The following CDK6 variants were observed in gnomAD, a reference collection of about 807,000 sequenced individuals.
CDK6 encodes cyclin dependent kinase 6.
In CDK6, 6 loss-of-function variants were observed where a neutral mutation model predicts 37.1. The observed-to-expected ratio is 0.16, with a 90% CI of 0.09 to 0.32. The LOEUF is 0.32. Among genes scored for constraint, CDK6 ranks in the 10% least tolerant of loss-of-function variants. CDK6 has a pLI of 1.00. For missense variants in CDK6, 224 were observed against 418.9 expected, an observed-to-expected ratio of 0.53 and a Z score of 4.06; for synonymous variants, 160 against 161.3, an observed-to-expected ratio of 0.99 and a Z score of 0.06.
intron 5 of CDK6, among the ~76,000 whole-genome samples, chr7:92,631,996 T>C (rs1796063743): frequency 6.6e-6 from 1 of 152,066 alleles, no homozygotes; most frequent in Admixed American, 6.6e-5. Flanking sequence ...ACTACATACA[T>C]TACGGTAACT....
At chr7:92,671,083 T>C (rs910038489) in intron 5 of CDK6, among the ~76,000 whole-genome samples, 8 of 152,214 alleles carry the variant, frequency 5.3e-5, no homozygotes, top group African/African-American at 1.7e-4. Flanking sequence ...TCTCCTCCTA[T>C]GGATAAAGTC....
At chr7:92,632,500 CTGGCCCTT>C (rs1423037530) in intron 5 of CDK6, among the ~76,000 whole-genome samples, 1 of 152,132 alleles carries the variant, frequency 6.6e-6, no homozygotes, top group Non-Finnish European at 1.5e-5. Context: ...AATAAGGGCT[CTGGCCCTT>C]GAATGTCAGT....
chr7:92,772,182 G>C (rs770513460), intron 3 of CDK6, among the ~76,000 whole-genome samples: 4 of 152,092 alleles, frequency 2.6e-5, no homozygotes, highest in African/African-American at 2.4e-5. Flanking sequence ...AGGAAGGAAA[G>C]TAGGTTAGTA....
rs1401383425 is a variant in CDK6, at chr7:92,833,993, T to A, written c.-367-303A>T. Reference sequence around the variant, plus strand: ...AGGGGGCGTGCCGAGCAGCCCAGAGTGTGCCGGGAGCGCGGGGGAGGGGAG... The same window carrying A: ...AGGGGGCGTGCCGAGCAGCCCAGAGAGTGCCGGGAGCGCGGGGGAGGGGAG... On this transcript the variant is annotated intron_variant, in intron 1 of 7. Transcript: ENST00000424848. This position sits in a 1 kb window ranked among gnomAD's most constrained non-coding sequence, Gnocchi z 6.1. The A allele has an allele frequency of 2.5e-6, 1 of 397,980 alleles. No homozygotes were observed. The highest frequency in any genetic ancestry group is 4.4e-6 in the Non-Finnish European group (1 of 225,978). The allele number at this position is 397,980 out of a possible 1,614,324, so 24.7% of individuals were successfully genotyped here. A position where few individuals can be genotyped will look rare whatever the true frequency, so the allele number is the denominator to read the frequency against.
chr7:92,736,983 C>T (rs1361357743), intron 3 of CDK6, among the ~76,000 whole-genome samples: 1 of 152,204 alleles, frequency 6.6e-6, no homozygotes, highest in Non-Finnish European at 1.5e-5. Context: ...CCAGGTTGCA[C>T]ACTGTGTGAT....
rs538198675 is a variant in CDK6 at position 92,710,778 on chromosome 7, G to A, written c.537+14848C>T. On this transcript the variant is annotated intron_variant, in intron 4 of 7. Transcript: ENST00000424848. ...GCCATGGAACACCAGATGGAGAGGT[G>A]GGGAAAAGCAGAGATGAGGGCTGAT... The A allele has an allele frequency of 7.1e-5, 70 of 985,306 alleles. No individual in the cohort carries two copies. The South Asian group carries it at 2.7e-3, about 38-fold the overall frequency. 61.0% of individuals were successfully genotyped at this position (985,306 alleles called of 1,614,324 possible).
At chr7:92,746,225 T>TATTC (rs751675116) in intron 3 of CDK6, among the ~76,000 whole-genome samples, 20 of 152,226 alleles carry the variant, frequency 1.3e-4, no homozygotes, top group Non-Finnish European at 2.8e-4. Context: ...CAAATTTTCT[T>TATTC]ATTCATGCCT....
At chr7:92,813,152 G>A (rs1800931920) in intron 2 of CDK6, among the ~76,000 whole-genome samples, 1 of 152,136 alleles carries the variant, frequency 6.6e-6, no homozygotes, top group Non-Finnish European at 1.5e-5. Context: ...TGTAAAATGG[G>A]ATAATTTTTA....
chr7:92,676,021 C>T (rs901600710), intron 4 of CDK6, among the ~76,000 whole-genome samples: 5 of 151,892 alleles, frequency 3.3e-5, no homozygotes, highest in African/African-American at 9.7e-5. Context: ...AAAAAACTGA[C>T]ATAATTTTAT....
At chr7:92,772,010 C>T (rs181977592) in intron 3 of CDK6, among the ~76,000 whole-genome samples, 167 of 152,126 alleles carry the variant, frequency 1.1e-3, no homozygotes, top group Middle Eastern at 6.9e-3. Flanking sequence ...ACAAAAGATA[C>T]GAGTGTTGAT....
chr7:92,684,764 T>C (rs1250163984), intron 4 of CDK6, among the ~76,000 whole-genome samples: 1 of 152,120 alleles, frequency 6.6e-6, no homozygotes, highest in Non-Finnish European at 1.5e-5. Context: ...CACAGAAGAC[T>C]AGAGCTGTGG....
In CDK6 at chr7:92,611,004, C is replaced by T. The variant is rs1029508618; in HGVS notation, c.*4136G>A. On this transcript the variant is annotated 3_prime_UTR_variant, in exon 8 of 8. Coordinates refer to ENST00000424848, the MANE Select transcript of CDK6 (RefSeq NM_001145306.2). ...ACAGCTTCTCCATAACATTTGTTTT[C>T]GACCATATTAATCCCACAGTTACCA... 2.2e-5 allele frequency: 5 copies of T among 227,208 alleles called. No homozygotes were observed. Among genetic ancestry groups the T allele is most frequent in the East Asian group, 6.4e-5 (1 of 15,668 alleles). 14.1% of individuals were successfully genotyped at this position (227,208 alleles called of 1,614,324 possible).
rs1168843794 is a variant in CDK6 at position 92,613,023 on chromosome 7, A to G, written c.*2117T>C. 1 of 233,040 alleles carries G rather than the reference A, an allele frequency of 4.3e-6. No homozygotes were observed. The highest frequency in any genetic ancestry group is 8.5e-6 in the Non-Finnish European group (1 of 117,996). The allele number at this position is 233,040 out of a possible 1,614,324, so 14.4% of individuals were successfully genotyped here. The stretch of plus-strand genomic sequence containing the variant: ...GATTCATTATATCTCAAGCATTTAT[A>G]GTACTGACAACACCTAATCAATGTT... On this transcript the variant is annotated 3_prime_UTR_variant, in exon 8 of 8. Coordinates refer to ENST00000424848, the MANE Select transcript of CDK6 (RefSeq NM_001145306.2).
chr7:92,619,797 T>C (rs549599662), intron 6 of CDK6, among the ~76,000 whole-genome samples: 2 of 152,054 alleles, frequency 1.3e-5, no homozygotes, highest in South Asian at 4.2e-4. Flanking sequence ...GACAGATTCA[T>C]GGACATATTT....
intron 5 of CDK6, among the ~76,000 whole-genome samples, chr7:92,639,666 G>A (rs562197762): frequency 1.3e-5 from 2 of 152,100 alleles, no homozygotes; most frequent in African/African-American, 4.8e-5. Flanking sequence ...TTGTTGTTTC[G>A]TTGTTATGGG....
chr7:92,694,827 A>G (rs901413167), intron 4 of CDK6, among the ~76,000 whole-genome samples: 3 of 152,206 alleles, frequency 2.0e-5, no homozygotes, highest in African/African-American at 7.2e-5. Context: ...AGAAAATTAT[A>G]TATATATAAA....
intron 5 of CDK6, among the ~76,000 whole-genome samples, chr7:92,640,446 G>A (rs1382786168): frequency 6.6e-6 from 1 of 152,162 alleles, no homozygotes; most frequent in South Asian, 2.1e-4. Context: ...TACGGTATAT[G>A]ACTGGCTTAA....
intron 3 of CDK6, among the ~76,000 whole-genome samples, chr7:92,737,417 T>C (rs569170762): frequency 6.6e-6 from 1 of 152,372 alleles, no homozygotes; most frequent in South Asian, 2.1e-4. Flanking sequence ...ATGTATTACA[T>C]GTTTCATTTT....
At chr7:92,625,884 T>C (rs571454544) in intron 5 of CDK6, among the ~76,000 whole-genome samples, 1 of 152,128 alleles carries the variant, frequency 6.6e-6, no homozygotes, top group Non-Finnish European at 1.5e-5. Flanking sequence ...GGTTAACCTA[T>C]AGAACACCTT....
Sources: gnomAD v4.1 joint callset for allele counts (sites outside exome capture counted in the v4.1 genomes callset) on GRCh38, gnomAD v4.1.1 for gene constraint, Gnocchi (gnomAD v3.1) non-coding constraint, MANE v1.5 for transcripts, NCBI Gene and HGNC (gene_info 2026-07-23, HGNC 2026-07-21) for gene names.